Variants in RERE observed in about 807,000 individuals in gnomAD.
RERE encodes the protein arginine-glutamic acid dipeptide repeats protein.
A neutral mutation model predicts 146.1 loss-of-function variants in RERE; 40 were observed. The ratio of observed to expected loss-of-function variants is 0.27; its 90% CI spans 0.21 to 0.36. RERE has a LOEUF of 0.36. RERE is among the 10% of genes least tolerant of loss of function. RERE has a pLI of 1.00. For missense variants in RERE, 1,933 were observed against 2,138.7 expected (o/e 0.90, Z 1.90); for synonymous variants, 1,003 against 866.0 (o/e 1.16, Z -2.78).
chr1:8,393,699 T>C (rs1436283410), intron 12 of RERE, among the ~76,000 whole-genome samples: 1 of 152,154 alleles, frequency 6.6e-6, no homozygotes, highest in Admixed American at 6.6e-5. Flanking sequence ...ATAGCAACCC[T>C]CAACTCTGAT....
intron 2 of RERE, among the ~76,000 whole-genome samples, chr1:8,635,063 A>G (rs1195438305): frequency 1.3e-5 from 2 of 152,278 alleles, no homozygotes; most frequent in East Asian, 3.9e-4. Flanking sequence ...GAATAATTTA[A>G]AACATCAAGA....
At chr1:8,760,099 C>A (rs1407584254) in intron 1 of RERE, among the ~76,000 whole-genome samples, 1 of 152,172 alleles carries the variant, frequency 6.6e-6, no homozygotes, top group African/African-American at 2.4e-5. Flanking sequence ...AATCTCAGCT[C>A]ACTGCAACCT....
chr1:8,661,896 A>G (rs1192167197), intron 1 of RERE, among the ~76,000 whole-genome samples: 1 of 152,220 alleles, frequency 6.6e-6, no homozygotes, highest in Admixed American at 6.5e-5. Flanking sequence ...CTTTTTGACA[A>G]AACTTTTAAA....
At chr1:8,719,304 G>C (rs955876409) in intron 1 of RERE, among the ~76,000 whole-genome samples, 5 of 152,208 alleles carry the variant, frequency 3.3e-5, no homozygotes, top group African/African-American at 1.2e-4. Flanking sequence ...CAGCAGCTGG[G>C]CAATGTCAAA....
At chr1:8,647,514 C>T (rs971148102) in intron 2 of RERE, among the ~76,000 whole-genome samples, 11 of 152,184 alleles carry the variant, frequency 7.2e-5, no homozygotes, top group African/African-American at 2.7e-4. Flanking sequence ...TACCCCACCA[C>T]AAAATATGAA....
intron 1 of RERE, among the ~76,000 whole-genome samples, chr1:8,794,692 T>C (rs1641434345): frequency 6.6e-6 from 1 of 150,758 alleles, no homozygotes; most frequent in Non-Finnish European, 1.5e-5. Context: ...AGCCCAAAAA[T>C]TCGAAACCAG....
At chr1:8,796,911 T>C (rs1641485760) in intron 1 of RERE, among the ~76,000 whole-genome samples, 1 of 152,154 alleles carries the variant, frequency 6.6e-6, no homozygotes, top group African/African-American at 2.4e-5. Context: ...ACTATGAGCC[T>C]CCGTTGACAA....
intron 10 of RERE, among the ~76,000 whole-genome samples, chr1:8,486,292 G>C (rs1469526465): frequency 6.6e-6 from 1 of 152,274 alleles, no homozygotes; most frequent in Non-Finnish European, 1.5e-5. Context: ...CACATGCTCA[G>C]CCAAGAAACA....
intron 1 of RERE, among the ~76,000 whole-genome samples, chr1:8,668,950 GTGTGTGTGTGTGTTGTGTTTT>G: frequency 1.8e-5 from 1 of 54,530 alleles, no homozygotes; most frequent in Admixed American, 1.7e-4. Context: ...GTGTGTGTGT[GTGTGTGTGTGTGTTGTGTTTT>G]TAAGACAGGG....
chr1:8,694,650 T>G (rs1436887222), intron 1 of RERE, among the ~76,000 whole-genome samples: 2 of 151,864 alleles, frequency 1.3e-5, no homozygotes, highest in Non-Finnish European at 2.9e-5. Context: ...TTCCAGCTAC[T>G]CGGGAGACTG....
intron 11 of RERE, chr1:8,429,893 G>A (rs1374462778): frequency 1.3e-5 from 2 of 152,460 alleles, no homozygotes; most frequent in South Asian, 4.1e-4. Context: ...CACACAGGCA[G>A]TGGGTAAGAG....
chr1:8,467,402 G>T (rs1047019921), intron 10 of RERE, among the ~76,000 whole-genome samples: 2 of 152,224 alleles, frequency 1.3e-5, no homozygotes, highest in Non-Finnish European at 2.9e-5. Flanking sequence ...TTTAGGCAAA[G>T]ACCTATGGAA....
intron 1 of RERE, among the ~76,000 whole-genome samples, chr1:8,719,077 G>A (rs1449559072): frequency 2.0e-5 from 3 of 152,112 alleles, no homozygotes; most frequent in African/African-American, 7.2e-5. Context: ...ACAGGCAGGG[G>A]GCAGCAAAAT....
intron 12 of RERE, among the ~76,000 whole-genome samples, chr1:8,415,563 TTAC>T (rs1643736642): frequency 6.6e-6 from 1 of 152,198 alleles, no homozygotes; most frequent in African/African-American, 2.4e-5. Flanking sequence ...GTCAGGCTGT[TTAC>T]ACTGAGAACG....
intron 4 of RERE, among the ~76,000 whole-genome samples, chr1:8,561,371 C>A (rs2124433269): frequency 6.6e-6 from 1 of 152,192 alleles, no homozygotes; most frequent in East Asian, 1.9e-4. Flanking sequence ...TCTAAATAGG[C>A]CGGTAACTTA....
At chr1:8,515,337 G>C (rs1645399622) in intron 7 of RERE, among the ~76,000 whole-genome samples, 1 of 152,034 alleles carries the variant, frequency 6.6e-6, no homozygotes, top group Non-Finnish European at 1.5e-5. Flanking sequence ...ACTCCAGCCT[G>C]GGCAAAACAG....
intron 11 of RERE, among the ~76,000 whole-genome samples, chr1:8,438,562 G>C (rs1644202408): frequency 6.6e-6 from 1 of 152,184 alleles, no homozygotes. Flanking sequence ...AGAGCAATCA[G>C]CATTTTGTGC....
At chr1:8,660,388 G>A (rs1001407281) in intron 1 of RERE, among the ~76,000 whole-genome samples, 5 of 152,176 alleles carry the variant, frequency 3.3e-5, no homozygotes, top group African/African-American at 1.2e-4. Context: ...CAAAGTAGAC[G>A]ATACAACAAC....
chr1:8,368,315 A>T lies in RERE; in HGVS notation c.1285-2341T>A, dbSNP rs1032908679. On this transcript the variant is annotated intron_variant, in intron 12 of 22. Transcript: ENST00000400908. ...TGAAACCCTGTCTCTACTAAAAAAA[A>T]TACAAAAAATTAGCTGGGCCTGGTG... Among the ~76,000 whole-genome samples, 3 of 152,058 alleles carry T rather than the reference A, an allele frequency of 2.0e-5. No individual in the cohort carries two copies. The South Asian group carries it at 6.2e-4, about 32-fold the overall frequency.
Sources: gnomAD v4.1 joint callset for allele counts (sites outside exome capture counted in the v4.1 genomes callset) on GRCh38, gnomAD v4.1.1 for gene constraint, MANE v1.5 for transcripts, NCBI Gene and HGNC (gene_info 2026-07-23, HGNC 2026-07-21) for gene names.